ARHGEF28: variants seen among roughly 807,000 people sequenced by gnomAD.
ARHGEF28 encodes the protein Rho guanine nucleotide exchange factor 28.
Under a neutral mutation model 206.6 loss-of-function variants are expected in ARHGEF28, and 152 were observed. That is an observed-to-expected ratio of 0.74 (90% CI 0.64 to 0.84). ARHGEF28 has a LOEUF of 0.84. Ranked by LOEUF, ARHGEF28 falls within the 40% of genes least tolerant of loss-of-function variation. ARHGEF28 has a pLI of 0.00. For synonymous variants in ARHGEF28, 763 were observed against 776.4 expected (o/e 0.98, Z 0.29); for missense variants, 2,028 against 2,073.2 (o/e 0.98, Z 0.42).
At chr5:73,862,860 T>TA (rs35766981) in intron 16 of ARHGEF28, among the ~76,000 whole-genome samples, 18,522 of 145,536 alleles carry the variant, frequency 0.13, 1,439 homozygotes, top group East Asian at 0.34. Context: ...TTTGTTTCTT[T>TA]AAAAAAAAAA....
intron 1 of ARHGEF28, among the ~76,000 whole-genome samples, chr5:73,653,280 A>T (rs759157397): frequency 2.0e-5 from 3 of 152,228 alleles, no homozygotes. Flanking sequence ...CAGGTTACAT[A>T]TACAAAATTA....
intron 4 of ARHGEF28, among the ~76,000 whole-genome samples, chr5:73,767,417 T>C (rs1311785846): frequency 6.6e-6 from 1 of 152,120 alleles, no homozygotes; most frequent in African/African-American, 2.4e-5. Context: ...TTGCCCAAAA[T>C]GATTATAGCA....
At chr5:73,630,561 G>C (rs1276116641) in intron 1 of ARHGEF28, among the ~76,000 whole-genome samples, 1 of 152,180 alleles carries the variant, frequency 6.6e-6, no homozygotes, top group Admixed American at 6.5e-5. Flanking sequence ...AGGATAAAAG[G>C]GTAGCAGGTT....
intron 2 of ARHGEF28, among the ~76,000 whole-genome samples, chr5:73,717,162 G>A (rs1749634166): frequency 6.6e-6 from 1 of 152,096 alleles, no homozygotes; most frequent in Admixed American, 6.6e-5. Flanking sequence ...TAATTCCACA[G>A]TGATAGTTTG....
chr5:73,627,541 T>A (rs1270532201), intron 1 of ARHGEF28, among the ~76,000 whole-genome samples: 2 of 152,244 alleles, frequency 1.3e-5, no homozygotes, highest in South Asian at 2.1e-4. Context: ...AGATCTGTCC[T>A]GGGTTTTTAG....
At chr5:73,684,706 C>A in intron 1 of ARHGEF28, 135 bp from the exon 2 acceptor site, 2 of 572,410 alleles carry the variant, frequency 3.5e-6, no homozygotes, top group East Asian at 3.1e-5. Context: ...TTTATTCTTT[C>A]ATATTTTGTC....
rs1263239930 is a variant in ARHGEF28 at position 73,715,249 on chromosome 5, G to C, written c.33+30365G>C. ...AAAGCCTTGTCCTGTCCAAGGTGGAGTCTGGCTCTGGTGCTGTTGCTGCTG... is the reference window on the plus strand; with the variant it reads ...AAAGCCTTGTCCTGTCCAAGGTGGACTCTGGCTCTGGTGCTGTTGCTGCTG... On this transcript the variant is annotated intron_variant, in intron 2 of 35. Coordinates refer to ENST00000513042, the MANE Select transcript of ARHGEF28 (RefSeq NM_001177693.2). Among the ~76,000 whole-genome samples, 3 of 152,224 alleles carry C rather than the reference G, an allele frequency of 2.0e-5. 1 individual carries two copies. The highest frequency in any genetic ancestry group is 4.4e-5 in the Non-Finnish European group (3 of 68,034).
chr5:73,909,815 G>A lies in ARHGEF28; in HGVS notation c.4565G>A (p.Arg1522Gln), dbSNP rs745979633. 18 of 1,539,026 alleles carry A rather than the reference G, an allele frequency of 1.2e-5. No homozygotes were observed. The highest frequency in any genetic ancestry group is 1.4e-5 in the Non-Finnish European group (16 of 1,152,198). The change falls in exon 34 of 36, where the codon CGG becomes CAG. Residue 1522 changes from arginine to glutamine, a missense_variant. Coordinates refer to ENST00000513042, the MANE Select transcript of ARHGEF28 (RefSeq NM_001177693.2). ...GTGGAGAGGGAGCAGGCGAGGATGC[G>A]GGCCCAGCAGAGCCTGCTGGGCCAC... ...RLVEREQARM[R>Q]AQQSLLGHWK...
At chr5:73,797,636 G>A (rs528745136) in intron 9 of ARHGEF28, among the ~76,000 whole-genome samples, 6 of 152,090 alleles carry the variant, frequency 3.9e-5, no homozygotes, top group South Asian at 2.1e-4. Flanking sequence ...TGCCAGCCTC[G>A]GCCTCCTAAA....
intron 1 of ARHGEF28, among the ~76,000 whole-genome samples, chr5:73,630,347 G>A (rs1049245939): frequency 3.3e-5 from 5 of 152,144 alleles, no homozygotes; most frequent in African/African-American, 1.2e-4. Context: ...GAGCCAGACT[G>A]TCTGGGTTAA....
In ARHGEF28 at chr5:73,867,960, G is replaced by T; in HGVS notation, c.2237G>T (p.Arg746Met). ...SVPVGLPTGRRETVGQVHPLS... is the reference protein window; with the variant it reads ...SVPVGLPTGRMETVGQVHPLS... The stretch of plus-strand genomic sequence containing the variant: ...CCTGTTGGATTGCCGACTGGAAGGA[G>T]GGAGACTGTGGGACAGGTCCATCCA... Residue 746 changes from arginine (R) to methionine (M), a missense_variant, in exon 19 of 36, where the codon AGG becomes ATG. By Grantham distance (91) the Arg-to-Met change is moderately conservative (BLOSUM62 -1). This residue lies in a region of ARHGEF28 where 1,002 missense variants were observed against 1,015.3 expected (regional missense o/e 0.99). Coordinates refer to ENST00000513042, the MANE Select transcript of ARHGEF28 (RefSeq NM_001177693.2). 6.2e-7 allele frequency: 1 copy of T among 1,613,980 alleles called. No individual in the cohort carries two copies. Among genetic ancestry groups the T allele is most frequent in the Non-Finnish European group, 8.5e-7 (1 of 1,179,882 alleles).
At chr5:73,725,631 G>A (rs1750227131) in intron 2 of ARHGEF28, among the ~76,000 whole-genome samples, 1 of 152,044 alleles carries the variant, frequency 6.6e-6, no homozygotes, top group African/African-American at 2.4e-5. Flanking sequence ...TCTTTTTAAT[G>A]CTGCATTAGT....
chr5:73,869,361 T>A (rs1759931753), intron 20 of ARHGEF28, among the ~76,000 whole-genome samples: 1 of 152,058 alleles, frequency 6.6e-6, no homozygotes, highest in East Asian at 1.9e-4. Context: ...AATGGATGAG[T>A]ACATAATTCA....
At chr5:73,629,530 C>T (rs887973004) in intron 1 of ARHGEF28, among the ~76,000 whole-genome samples, 1 of 148,814 alleles carries the variant, frequency 6.7e-6, no homozygotes, top group East Asian at 2.0e-4. Context: ...AAATTAAAGA[C>T]ATTTGACTGG....
intron 9 of ARHGEF28, among the ~76,000 whole-genome samples, chr5:73,816,764 G>A (rs539874598): frequency 1.9e-4 from 29 of 152,332 alleles, no homozygotes; most frequent in African/African-American, 7.0e-4. Context: ...TGTCCAGAGC[G>A]GAGCATGATG....
chr5:73,882,436 A>G lies in ARHGEF28; in HGVS notation c.2815-36A>G, dbSNP rs1273908545. 10 of 1,341,724 alleles carry G rather than the reference A, an allele frequency of 7.5e-6. No homozygotes were observed. In the East Asian group the frequency reaches 2.7e-4, roughly 36 times the overall value. 83.1% of individuals were successfully genotyped at this position (1,341,724 alleles called of 1,614,324 possible). A position where few individuals can be genotyped will look rare whatever the true frequency, so the allele number is the denominator to read the frequency against. On this transcript the variant is annotated intron_variant, in intron 22 of 35. Transcript: ENST00000513042. ...TTTTTTGTGTGTTTAGAACTTACTA[A>G]ATTTACAAACCATTATTTAAATGTT...
At chr5:73,664,245 CTTTT>C (rs1325708118) in intron 1 of ARHGEF28, among the ~76,000 whole-genome samples, 1 of 152,220 alleles carries the variant, frequency 6.6e-6, no homozygotes, top group Non-Finnish European at 1.5e-5. Flanking sequence ...CTTTTCAGTT[CTTTT>C]GTTTGTTTGC....
chr5:73,675,732 CAAAA>C (rs35836692), intron 1 of ARHGEF28, among the ~76,000 whole-genome samples: 1 of 49,668 alleles, frequency 2.0e-5, no homozygotes, highest in Non-Finnish European at 4.0e-5. Flanking sequence ...GACTCTGTCT[CAAAA>C]AAAAAAAAAA....
intron 1 of ARHGEF28, among the ~76,000 whole-genome samples, chr5:73,681,902 C>G (rs914011539): frequency 3.3e-5 from 5 of 151,994 alleles, no homozygotes; most frequent in African/African-American, 1.2e-4. Flanking sequence ...GGGTTTGAGA[C>G]CAGCCTAAAC....
Sources: allele counts gnomAD v4.1 joint callset (sites outside exome capture counted in the v4.1 genomes callset), GRCh38; gene constraint gnomAD v4.1.1; regional missense constraint gnomAD v4.1.1; transcripts MANE v1.5; gene names NCBI Gene and HGNC (gene_info 2026-07-23, HGNC 2026-07-21).